The following ANO3 variants were observed in gnomAD, a reference collection of about 807,000 sequenced individuals.
The protein encoded by ANO3 is anoctamin-3.
A neutral mutation model predicts 144.8 loss-of-function variants in ANO3; 99 were observed. That is an observed-to-expected ratio of 0.68 (90% CI 0.58 to 0.81). ANO3 has a LOEUF of 0.81. ANO3 is among the 30% of genes least tolerant of loss of function. The pLI is 0.00. For missense variants in ANO3, 905 were observed against 1,202.2 expected, an observed-to-expected ratio of 0.75 and a Z score of 3.66; for synonymous variants, 414 against 392.6, an observed-to-expected ratio of 1.05 and a Z score of -0.64.
At chr11:26,267,155 A>G (rs1211941452) in intron 1 of ANO3, among the ~76,000 whole-genome samples, 1 of 151,632 alleles carries the variant, frequency 6.6e-6, no homozygotes, top group African/African-American at 2.4e-5. Context: ...AAACATGGGC[A>G]TGTATGAGAA....
chr11:26,218,518 C>T (rs1353384667), intron 1 of ANO3, among the ~76,000 whole-genome samples: 1 of 152,082 alleles, frequency 6.6e-6, no homozygotes, highest in Admixed American at 6.6e-5. Context: ...TATTTGTGTT[C>T]AATTATACTC....
intron 1 of ANO3, among the ~76,000 whole-genome samples, chr11:26,226,472 C>T (rs1331812225): frequency 6.6e-6 from 1 of 152,118 alleles, no homozygotes; most frequent in African/African-American, 2.4e-5. Context: ...TTTTACCAGT[C>T]TAACCCATCT....
intron 1 of ANO3, among the ~76,000 whole-genome samples, chr11:26,311,557 G>GTGAAAACATATAC (rs1468780772): frequency 4.6e-5 from 7 of 152,188 alleles, no homozygotes; most frequent in Non-Finnish European, 1.0e-4. Context: ...CACATGATAG[G>GTGAAAACATATAC]TCACCCAACT....
intron 15 of ANO3, 74 bp from the exon 16 acceptor site, chr11:26,598,784 T>A (rs1851711579): frequency 6.8e-7 from 1 of 1,465,786 alleles, no homozygotes; most frequent in Admixed American, 2.3e-5. Flanking sequence ...TTTAGGAGTA[T>A]CGTATCAATT....
chr11:26,559,293 C>A, intron 13 of ANO3: 1 of 160,764 alleles, frequency 6.2e-6, no homozygotes, highest in Non-Finnish European at 1.4e-5. Context: ...TGCTGGCTCA[C>A]TGGAAGAATC....
intron 5 of ANO3, among the ~76,000 whole-genome samples, chr11:26,515,328 A>G (rs76604114): frequency 0.15 from 16,776 of 113,492 alleles, 1,300 homozygotes; most frequent in Admixed American, 0.23. Flanking sequence ...AGCATACTTT[A>G]TCTCCTGCTT....
At chr11:26,469,050 A>G (rs1360021425) in intron 4 of ANO3, among the ~76,000 whole-genome samples, 1 of 151,892 alleles carries the variant, frequency 6.6e-6, no homozygotes, top group Non-Finnish European at 1.5e-5. Context: ...CTCCTTTTCA[A>G]TCAGTCCAAA....
intron 1 of ANO3, among the ~76,000 whole-genome samples, chr11:26,238,350 T>C (rs1852579939): frequency 6.6e-6 from 1 of 152,136 alleles, no homozygotes; most frequent in Non-Finnish European, 1.5e-5. Flanking sequence ...TAGTGTGACA[T>C]ACACTTATTT....
rs1213916163 is a variant in ANO3 at position 26,534,475 on chromosome 11, G to A, written c.889G>A (p.Asp297Asn). 1 of 1,611,616 alleles carries A rather than the reference G, an allele frequency of 6.2e-7. No individual in the cohort carries two copies. ...RIHHFIINNK[D>N]TFFSNATRSR... ...TAACAGCTTCATAATAAATAATAAA[G>A]ACACCTTCTTCAGCAATGCTACTCG... is the stretch of plus-strand genomic sequence containing the variant. The change falls in exon 9 of 27, where the codon GAC becomes AAC. Residue 297 changes from aspartate (D) to asparagine (N), a missense_variant. Asp to Asn is a conservative substitution (Grantham distance 23). This residue lies in a region of ANO3 where 597 missense variants were observed against 865.1 expected (regional missense o/e 0.69). Transcript: ENST00000256737.
At chr11:26,429,859 T>A (rs1468138924) in intron 1 of ANO3, among the ~76,000 whole-genome samples, 1 of 152,128 alleles carries the variant, frequency 6.6e-6, no homozygotes, top group Non-Finnish European at 1.5e-5. Context: ...AATAGAATTA[T>A]AGGAAATGCA....
intron 1 of ANO3, among the ~76,000 whole-genome samples, chr11:26,387,659 TC>T (rs1201229623): frequency 6.6e-6 from 1 of 152,174 alleles, no homozygotes; most frequent in Non-Finnish European, 1.5e-5. Context: ...CTGTGGTTTT[TC>T]CCCTCAATTC....
At chr11:26,543,662 A>G (rs1849703343) in intron 11 of ANO3, among the ~76,000 whole-genome samples, 1 of 151,956 alleles carries the variant, frequency 6.6e-6, no homozygotes, top group Non-Finnish European at 1.5e-5. Context: ...CCTGTGTCCA[A>G]GTGTTCTCAT....
At chr11:26,342,787 C>G (rs1298097044) in intron 1 of ANO3, among the ~76,000 whole-genome samples, 5 of 152,164 alleles carry the variant, frequency 3.3e-5, no homozygotes, top group African/African-American at 1.2e-4. Context: ...TATCCACTAA[C>G]TGGTTGGTTT....
In ANO3 at chr11:26,280,009, T is replaced by C. The variant is rs145770872; in HGVS notation, c.155-29636T>C. Among the ~76,000 whole-genome samples the C allele has an allele frequency of 1.4e-3, 216 of 152,342 alleles. 3 individuals are homozygous for C. The highest frequency in any genetic ancestry group is 4.8e-3 in the African/African-American group (200 of 41,588). On this transcript the variant is annotated intron_variant, in intron 1 of 27. Coordinates refer to the ANO3 transcript ENST00000672621. ...TGATGATGCTTGTGAGTTTTCTCACTGCTTTAATGAAAAAGAGTTTTCAGG... is the reference window on the plus strand; with the variant it reads ...TGATGATGCTTGTGAGTTTTCTCACCGCTTTAATGAAAAAGAGTTTTCAGG...
chr11:26,472,863 A>G (rs1185714876), intron 4 of ANO3, among the ~76,000 whole-genome samples: 2 of 151,822 alleles, frequency 1.3e-5, no homozygotes, highest in African/African-American at 2.4e-5. Context: ...AGGAATTATC[A>G]CTGTAGAGAA....
At chr11:26,309,533 C>A, upstream of ANO3, 1 of 361,850 alleles carries the variant, frequency 2.8e-6, no homozygotes. Context: ...AGTTATACTG[C>A]AGCTATAGTC....
At chr11:26,604,548 T>G (rs1851884543) in intron 17 of ANO3, among the ~76,000 whole-genome samples, 1 of 152,200 alleles carries the variant, frequency 6.6e-6, no homozygotes, top group Non-Finnish European at 1.5e-5. Flanking sequence ...ACCATGAGAA[T>G]AGAATGTTTT....
chr11:26,447,422 A>G (rs930718077), intron 3 of ANO3, among the ~76,000 whole-genome samples: 1 of 152,054 alleles, frequency 6.6e-6, no homozygotes, highest in Non-Finnish European at 1.5e-5. Flanking sequence ...CAAATGTCAC[A>G]TAGCTAGCCA....
In ANO3 at chr11:26,423,371, A is replaced by G. The variant is rs375064584; in HGVS notation, c.47-18547A>G. 1.6e-4 allele frequency among the ~76,000 whole-genome samples: 22 copies of G among 139,812 alleles called. No individual in the cohort carries two copies. In the South Asian group the frequency reaches 2.3e-3, roughly 15 times the overall value. 91.7% of individuals were successfully genotyped at this position (139,812 alleles called of 152,430 possible). On this transcript the variant is annotated intron_variant, in intron 1 of 26. Coordinates refer to ENST00000256737, the MANE Select transcript of ANO3 (RefSeq NM_031418.4). ...TTCCCCTGTGAATAAGCACTATTTTACAACCAATACTGAATTAATGCCTGG... is the reference window on the plus strand; with the variant it reads ...TTCCCCTGTGAATAAGCACTATTTTGCAACCAATACTGAATTAATGCCTGG...
Sources: allele counts gnomAD v4.1 joint callset (sites outside exome capture counted in the v4.1 genomes callset), GRCh38; gene constraint gnomAD v4.1.1; regional missense constraint gnomAD v4.1.1; transcripts MANE v1.5; gene names NCBI Gene and HGNC (gene_info 2026-07-23, HGNC 2026-07-21).